The following OTUB2 variants were observed in gnomAD, a reference collection of about 807,000 sequenced individuals.
OTUB2 encodes the protein OTU deubiquitinase, ubiquitin aldehyde binding 2.
Under a neutral mutation model 25.1 loss-of-function variants are expected in OTUB2, and 21 were observed. The ratio of observed to expected loss-of-function variants is 0.84; its 90% CI spans 0.59 to 1.21. The LOEUF is 1.21. Ranked by LOEUF, OTUB2 falls within the 50% of genes most tolerant of loss-of-function variation. OTUB2 has a pLI of 0.00. For synonymous variants in OTUB2, 122 were observed against 122.8 expected, an observed-to-expected ratio of 0.99 and a Z score of 0.04; for missense variants, 283 against 298.0, an observed-to-expected ratio of 0.95 and a Z score of 0.37.
Position 94,045,914 on chromosome 14 carries a change from A to G in OTUB2, c.697A>G (p.Lys233Glu), listed in dbSNP as rs752201845. 2 of 1,614,144 alleles carry G rather than the reference A, an allele frequency of 1.2e-6. No homozygotes were observed. Among genetic ancestry groups the G allele is most frequent in the Admixed American group, 3.3e-5 (2 of 60,034 alleles). Residue 233 changes from lysine to glutamate, a missense_variant, in exon 6 of 6, where the codon AAA becomes GAA. Lys to Glu is a moderately conservative substitution (Grantham distance 56, BLOSUM62 1). Transcript: ENST00000203664. ...SHYNILYAAD[K>E]H ...CTACAACATCCTTTATGCAGCCGAT[A>G]AACATTGATTAATTTTAGGCCATGC...
chr14:94,026,501 C>A lies in OTUB2; in HGVS notation c.-37C>A. On this transcript the variant is annotated 5_prime_UTR_variant, in exon 1 of 6. Transcript: ENST00000203664. The stretch of plus-strand genomic sequence containing the variant: ...GGCATTCCCGCACCGGATCGCTCCT[C>A]GCTGGGGCGGGACCTGGCCTGGCGG... The A allele has an allele frequency of 7.6e-7, 1 of 1,308,926 alleles. No homozygotes were observed. 81.1% of individuals were successfully genotyped at this position (1,308,926 alleles called of 1,614,324 possible).
intron 3 of OTUB2, chr14:94,039,491 C>T (rs949173111): frequency 5.2e-6 from 1 of 191,940 alleles, no homozygotes; most frequent in Non-Finnish European, 1.1e-5. Context: ...CTGGCTGGGC[C>T]TGTCCCTGAG....
At chr14:94,040,690 C>G (rs900672300) in intron 3 of OTUB2, among the ~76,000 whole-genome samples, 17 of 152,378 alleles carry the variant, frequency 1.1e-4, no homozygotes, top group African/African-American at 3.8e-4. Context: ...AGACCCTTCT[C>G]TAGGCTGTGG....
chr14:94,033,665 G>T (rs1026701784), intron 1 of OTUB2, among the ~76,000 whole-genome samples: 1 of 152,218 alleles, frequency 6.6e-6, no homozygotes, highest in South Asian at 2.1e-4. Flanking sequence ...TAAACAAATT[G>T]TTAGATAAAT....
chr14:94,044,747 T>C lies in OTUB2; in HGVS notation c.465T>C (p.Asp155=). 6.2e-7 allele frequency: 1 copy of C among 1,613,684 alleles called. No homozygotes were observed. Among genetic ancestry groups the C allele is most frequent in the Middle Eastern group, 1.7e-4 (1 of 6,060 alleles). The stretch of plus-strand genomic sequence containing the variant: ...CAGACTTCTTCCGGCACTTCATTGA[T>C]GAGGAGATGGACATCAAAGACTTCT... ...NRADFFRHFI[D]EEMDIKDFCT... Residue 155 remains aspartate, a synonymous_variant, in exon 5 of 6, where the codon GAT becomes GAC. Coordinates refer to ENST00000203664, the MANE Select transcript of OTUB2 (RefSeq NM_023112.4).
intron 1 of OTUB2, among the ~76,000 whole-genome samples, chr14:94,030,234 G>T (rs909160222): frequency 8.5e-5 from 13 of 152,068 alleles, no homozygotes; most frequent in Admixed American, 8.5e-4. Context: ...CCTCCCTGGG[G>T]GGAGATGATG....
rs1034588754 is a variant in OTUB2, at chr14:94,034,768, G to A, written c.4-2612G>A. Among the ~76,000 whole-genome samples, 5 of 152,200 alleles carry A rather than the reference G, an allele frequency of 3.3e-5. 1 individual carries two copies. The highest frequency in any genetic ancestry group is 1.9e-4 in the East Asian group (1 of 5,192). On this transcript the variant is annotated intron_variant, in intron 1 of 5. Transcript: ENST00000203664. ...GATGGCTGCTGTGGACATTGCATCTGCATTGACGGTGGGAAGGAGTAGAAC... is the reference window on the plus strand; with the variant it reads ...GATGGCTGCTGTGGACATTGCATCTACATTGACGGTGGGAAGGAGTAGAAC...
Position 94,039,060 on chromosome 14 carries a change from G to A in OTUB2, c.197G>A (p.Gly66Glu), listed in dbSNP as rs1338365329. The change falls in exon 3 of 6, where the codon GGG becomes GAG. Residue 66 changes from glycine to glutamate, a missense_variant. Transcript: ENST00000203664. ...TATTCCTACCTGGAGTCCCTGCTGG[G>A]GAAGAGCAGGGAGATCTTCAAGTGA... ...LGYSYLESLL[G>E]KSREIFKFKE... is the part of the protein sequence containing the mutation. 1 of 1,613,904 alleles carries A rather than the reference G, an allele frequency of 6.2e-7. No individual in the cohort carries two copies. The highest frequency in any genetic ancestry group is 8.5e-7 in the Non-Finnish European group (1 of 1,179,924).
rs567763359 is a variant in OTUB2 at position 94,047,329 on chromosome 14, A to T, written c.*1407A>T. On this transcript the variant is annotated 3_prime_UTR_variant, in exon 6 of 6. Coordinates refer to ENST00000203664, the MANE Select transcript of OTUB2 (RefSeq NM_023112.4). ...AGACTCCTCAGAGTCCTCTTGACAC[A>T]AATGTCAGATTTGTGTCACTCTTCT... The T allele has an allele frequency of 5.9e-5, 9 of 152,306 alleles. No individual in the cohort carries two copies. In the South Asian group the frequency reaches 1.7e-3, roughly 28 times the overall value. The allele number at this position is 152,306 out of a possible 1,614,324, so 9.4% of individuals were successfully genotyped here.
chr14:94,031,523 CA>C (rs1466722892), intron 1 of OTUB2, among the ~76,000 whole-genome samples: 1 of 151,998 alleles, frequency 6.6e-6, no homozygotes, highest in Non-Finnish European at 1.5e-5. Flanking sequence ...GATGGGGTAT[CA>C]GGGGCAACCT....
At chr14:94,045,595 T>G in intron 5 of OTUB2, 121 bp from the exon 6 acceptor site, 1 of 939,058 alleles carries the variant, frequency 1.1e-6, no homozygotes, top group South Asian at 1.6e-5. Context: ...CATGGGATGT[T>G]GTGAAGATGA....
chr14:94,026,802 G>C (rs1371496948), intron 1 of OTUB2, among the ~76,000 whole-genome samples: 5 of 152,210 alleles, frequency 3.3e-5, no homozygotes, highest in Admixed American at 1.3e-4. Flanking sequence ...GTCCGCCCCA[G>C]GTGGCCCGGG....
Position 94,047,991 on chromosome 14 carries a change from T to TTACCCTC in OTUB2, c.*2071_*2077dup, listed in dbSNP as rs1391578039. 6.6e-6 allele frequency: 1 copy of TTACCCTC among 152,260 alleles called. No homozygotes were observed. The highest frequency in any genetic ancestry group is 2.4e-5 in the African/African-American group (1 of 41,448). 9.4% of individuals were successfully genotyped at this position (152,260 alleles called of 1,614,324 possible). A position where few individuals can be genotyped will look rare whatever the true frequency, so the allele number is the denominator to read the frequency against. ...GGAAGGCCAAGTTACTTTCATGGTC[T>TTACCCTC]TACCCTCTGCTTTTCCCCTTTTTGC... On this transcript the variant is annotated 3_prime_UTR_variant, in exon 6 of 6. Coordinates refer to ENST00000203664, the MANE Select transcript of OTUB2 (RefSeq NM_023112.4).
chr14:94,041,710 C>T (rs1338745263), intron 3 of OTUB2, among the ~76,000 whole-genome samples: 1 of 152,184 alleles, frequency 6.6e-6, no homozygotes, highest in African/African-American at 2.4e-5. Context: ...GTTCTAGGCA[C>T]AGGGACTCAC....
At chr14:94,043,097 C>T (rs1885194970) in intron 3 of OTUB2, among the ~76,000 whole-genome samples, 1 of 152,236 alleles carries the variant, frequency 6.6e-6, no homozygotes, top group African/African-American at 2.4e-5. Context: ...CGTCCACACC[C>T]ACCACCTTCT....
chr14:94,045,670 C>T, intron 5 of OTUB2, 46 bp from the exon 6 acceptor site: 2 of 1,586,106 alleles, frequency 1.3e-6, no homozygotes, highest in South Asian at 1.1e-5. Flanking sequence ...TGTCCTCTGC[C>T]AGGCCTCCCT....
Position 94,044,702 on chromosome 14 carries a change from G to C in OTUB2, c.420G>C (p.Ser140=), listed in dbSNP as rs777475386. The change falls in exon 5 of 6, where the codon TCG becomes TCC. Residue 140 remains serine, a synonymous_variant. Transcript: ENST00000203664. ...TGCAGTTCCTGCGCCTGCTCACGTCGGCCTTCATCAGGAACCGAGCAGACT... is the reference window on the plus strand; with the variant it reads ...TGCAGTTCCTGCGCCTGCTCACGTCCGCCTTCATCAGGAACCGAGCAGACT... The part of the protein sequence containing the change: ...HIVQFLRLLT[S]AFIRNRADFF... The C allele has an allele frequency of 6.2e-7, 1 of 1,614,036 alleles. No individual in the cohort carries two copies. Among genetic ancestry groups the C allele is most frequent in the Non-Finnish European group, 8.5e-7 (1 of 1,180,026 alleles).
chr14:94,026,386 T>G lies in OTUB2; in HGVS notation c.-152T>G. 1 of 1,258,194 alleles carries G rather than the reference T, an allele frequency of 7.9e-7. No homozygotes were observed. Among genetic ancestry groups the G allele is most frequent in the Non-Finnish European group, 1.0e-6 (1 of 999,834 alleles). 77.9% of individuals were successfully genotyped at this position (1,258,194 alleles called of 1,614,324 possible). On this transcript the variant is annotated 5_prime_UTR_variant, in exon 1 of 6. Coordinates refer to ENST00000203664, the MANE Select transcript of OTUB2 (RefSeq NM_023112.4). ...CACAGTGGAGGTCTAACCTTTGGTT[T>G]GCGGAGCGGTCGGGTGTATTCTCCG...
Position 94,026,428 on chromosome 14 carries a change from G to T in OTUB2, c.-110G>T, listed in dbSNP as rs1256619838. On this transcript the variant is annotated 5_prime_UTR_variant, in exon 1 of 6. Transcript: ENST00000203664. ...TATTCTCCGCCGCCCCCACGCCCTC[G>T]AGGTCCCCGCCACCGAACCAGCGGC... is the stretch of plus-strand genomic sequence containing the variant. The T allele has an allele frequency of 3.9e-6, 5 of 1,295,598 alleles. No individual in the cohort carries two copies. Among genetic ancestry groups the T allele is most frequent in the Non-Finnish European group, 3.9e-6 (4 of 1,021,378 alleles). 80.3% of individuals were successfully genotyped at this position (1,295,598 alleles called of 1,614,324 possible). A position where few individuals can be genotyped will look rare whatever the true frequency, so the allele number is the denominator to read the frequency against.
Sources: gnomAD v4.1 joint callset for allele counts (sites outside exome capture counted in the v4.1 genomes callset) on GRCh38, gnomAD v4.1.1 for gene constraint, MANE v1.5 for transcripts, NCBI Gene and HGNC (gene_info 2026-07-23, HGNC 2026-07-21) for gene names.